ANKLE2: variants seen among roughly 807,000 people sequenced by gnomAD.
The protein encoded by ANKLE2 is ankyrin repeat and LEM domain containing 2.
A neutral mutation model predicts 84.2 loss-of-function variants in ANKLE2; 55 were observed. The observed-to-expected ratio is 0.65, with a 90% CI of 0.53 to 0.82. The LOEUF is 0.82. Ranked by LOEUF, ANKLE2 falls within the 40% of genes least tolerant of loss-of-function variation. The probability of loss-of-function intolerance (pLI) is 0.00; values close to 1 mark genes in which losing one functional copy is unlikely to be tolerated. For missense variants in ANKLE2, 1,238 were observed against 1,201.9 expected, an observed-to-expected ratio of 1.03 and a Z score of -0.44; for synonymous variants, 551 against 486.1, an observed-to-expected ratio of 1.13 and a Z score of -1.76.
Position 132,748,123 on chromosome 12 carries a change from ACCG to A in ANKLE2, c.1041+12_1041+14del. On this transcript the variant is annotated intron_variant, in intron 4 of 12. Transcript: ENST00000357997. ...CGGGACCGCACACCTGCCCGAGGGAACCGCCGAGACCTACCTGCACGATAGTGG... is the reference window on the plus strand; with the variant it reads ...CGGGACCGCACACCTGCCCGAGGGAACCGAGACCTACCTGCACGATAGTGG... The A allele has an allele frequency of 6.2e-7, 1 of 1,610,470 alleles. No homozygotes were observed. The highest frequency in any genetic ancestry group is 1.1e-5 in the South Asian group (1 of 90,700).
chr12:132,727,430 CG>C lies in ANKLE2; in HGVS notation c.2628del (p.Ala877ArgfsTer2). 7 of 1,555,986 alleles carry C rather than the reference CG, an allele frequency of 4.5e-6. No individual in the cohort carries two copies. The highest frequency in any genetic ancestry group is 6.1e-6 in the Non-Finnish European group (7 of 1,149,758). ...TGAGACTTGAACCTTCCTTTCACCG[CG>C]GGACTGGGCCAACTGCGGAAAGCAA... ...SPSDRQSWPS[P>X]AVKGRFKSQL... is the part of the protein sequence containing the mutation. On this transcript the variant is annotated frameshift_variant, in exon 13 of 13. Coordinates refer to ENST00000357997, the MANE Select transcript of ANKLE2 (RefSeq NM_015114.3). LOFTEE classifies it low-confidence loss of function (END_TRUNC).
intron 1 of ANKLE2, chr12:132,759,520 T>C (rs2044571396): frequency 7.2e-6 from 1 of 139,720 alleles, no homozygotes; most frequent in South Asian, 2.2e-4. Flanking sequence ...ACTATATATA[T>C]GTATACTATA....
Position 132,761,698 on chromosome 12 carries a change from C to A in ANKLE2, c.101G>T (p.Arg34Leu). ...LLIAVRWLVR[R>L]LGPRPGGLGR... ...CAGACCTCCCGGCCGCGGGCCCAGC[C>A]GCCGCACCAGCCACCGCACAGCGAT... is the stretch of plus-strand genomic sequence containing the variant. Residue 34 changes from arginine to leucine, a missense_variant, in exon 1 of 13, where the codon CGG (arginine) becomes CTG (leucine). Physicochemically the swap from Arg to Leu is moderately radical, Grantham distance 102. Transcript: ENST00000357997. 7.4e-7 allele frequency: 1 copy of A among 1,349,792 alleles called. No homozygotes were observed. The highest frequency in any genetic ancestry group is 9.6e-7 in the Non-Finnish European group (1 of 1,043,072). The allele number at this position is 1,349,792 out of a possible 1,614,324, so 83.6% of individuals were successfully genotyped here.
chr12:132,730,590 T>C (rs946581372), intron 10 of ANKLE2: 5 of 342,034 alleles, frequency 1.5e-5, no homozygotes, highest in Non-Finnish European at 2.7e-5. Flanking sequence ...TGGGAGGCCA[T>C]GGCAGGGGGG....
chr12:132,732,628 T>A (rs2043894680), intron 10 of ANKLE2, among the ~76,000 whole-genome samples: 2 of 112,852 alleles, frequency 1.8e-5, no homozygotes, highest in Admixed American at 9.1e-5. Context: ...TGGTGTCTGA[T>A]ACGCACCGTG....
intron 2 of ANKLE2, among the ~76,000 whole-genome samples, chr12:132,754,248 T>A (rs909586757): frequency 6.6e-6 from 1 of 151,902 alleles, no homozygotes; most frequent in Non-Finnish European, 1.5e-5. Flanking sequence ...TCTCAAAAAA[T>A]AAATAAATAA....
chr12:132,755,431 G>C, intron 1 of ANKLE2: 2 of 237,190 alleles, frequency 8.4e-6, no homozygotes, highest in Non-Finnish European at 1.6e-5. Context: ...TGTAATCCCA[G>C]CTACTTGGGA....
chr12:132,727,326 G>C lies in ANKLE2; in HGVS notation c.2733C>G (p.Gly911=), dbSNP rs750981312. The change falls in exon 13 of 13, where the codon GGC becomes GGG. Residue 911 remains glycine, a synonymous_variant. Transcript: ENST00000357997. ...GGCTGTAGCGCCCAGGACTGCCCAG[G>C]CCTGGCTTTGCGGGGTTGCTTCCAG... ...SVAGSNPAKP[G]LGSPGRYSPV... 9.6e-6 allele frequency: 15 copies of C among 1,562,518 alleles called. No individual in the cohort carries two copies. Among genetic ancestry groups the C allele is most frequent in the Non-Finnish European group, 1.3e-5 (15 of 1,153,942 alleles).
At position 132,726,899 on chromosome 12, in the gene ANKLE2, G is replaced by GAGTACAGGGTA; in HGVS notation, c.*332_*342dup. The GAGTACAGGGTA allele has an allele frequency of 4.2e-6, 1 of 236,346 alleles. No homozygotes were observed. Among genetic ancestry groups the GAGTACAGGGTA allele is most frequent in the South Asian group, 1.3e-4 (1 of 7,780 alleles). 14.6% of individuals were successfully genotyped at this position (236,346 alleles called of 1,614,324 possible). On this transcript the variant is annotated 3_prime_UTR_variant, in exon 13 of 13. Coordinates refer to ENST00000357997, the MANE Select transcript of ANKLE2 (RefSeq NM_015114.3). ...ATCCACAGCGTCTGTCGGATGAGGT[G>GAGTACAGGGTA]AGTACAGGGTAAGTACAGGGCTGCC...
Position 132,729,695 on chromosome 12 carries a change from G to A in ANKLE2, c.2467C>T (p.Arg823Trp), listed in dbSNP as rs753976276. 1.1e-5 allele frequency: 18 copies of A among 1,606,414 alleles called. No homozygotes were observed. The highest frequency in any genetic ancestry group is 1.7e-4 in the Middle Eastern group (1 of 6,004). ...CACTCCTACCCAAAAAGGAAGAGCC[G>A]CCTGGCCGGTTCCCTGGTGACCTCG... ...QLEVTREPAR[R>W]LFLFGEEPSK... Residue 823 changes from arginine to tryptophan, a missense_variant, in exon 11 of 13, where the codon CGG (arginine) becomes TGG (tryptophan). Arg to Trp is a moderately radical substitution (Grantham distance 101, BLOSUM62 -3). This residue lies in a region of ANKLE2 where 802 missense variants were observed against 774.5 expected (regional missense o/e 1.04). Transcript: ENST00000357997.
intron 1 of ANKLE2, chr12:132,758,956 C>T (rs1593187800): frequency 7.3e-6 from 1 of 137,928 alleles, no homozygotes; most frequent in Non-Finnish European, 1.5e-5. Context: ...AGTGTGGCAC[C>T]CCGGGGCACC....
chr12:132,752,197 G>A (rs1006540130), intron 2 of ANKLE2, among the ~76,000 whole-genome samples: 2 of 152,018 alleles, frequency 1.3e-5, no homozygotes, highest in Admixed American at 6.5e-5. Context: ...AAAATTAGCC[G>A]GGCGTGGTGG....
At chr12:132,730,539 G>A (rs2043820096) in intron 10 of ANKLE2, 4 of 433,250 alleles carry the variant, frequency 9.2e-6, no homozygotes, top group Non-Finnish European at 1.7e-5. Context: ...TCAGGCTGCT[G>A]GGGCCAGGCA....
At chr12:132,735,237 C>T in intron 9 of ANKLE2, 169 bp downstream of exon 9, 2 of 657,838 alleles carry the variant, frequency 3.0e-6, no homozygotes, top group Non-Finnish European at 5.3e-6. Flanking sequence ...CTGGCTTAAG[C>T]TAGAATTCCA....
chr12:132,751,579 G>C (rs886314297), intron 2 of ANKLE2, among the ~76,000 whole-genome samples: 2 of 149,950 alleles, frequency 1.3e-5, no homozygotes, highest in African/African-American at 2.5e-5. Flanking sequence ...GTCTCACTCA[G>C]CTGCCGAGGC....
chr12:132,747,476 AG>A (rs1021430538), intron 5 of ANKLE2, among the ~76,000 whole-genome samples: 9 of 152,132 alleles, frequency 5.9e-5, no homozygotes, highest in African/African-American at 2.2e-4. Context: ...TAGGACACTG[AG>A]GGCCTGCCTG....
chr12:132,744,263 C>A (rs910615186), intron 5 of ANKLE2, among the ~76,000 whole-genome samples: 3 of 152,234 alleles, frequency 2.0e-5, no homozygotes, highest in African/African-American at 4.8e-5. Flanking sequence ...CTCACTTGGA[C>A]ATCCCACAGG....
intron 10 of ANKLE2, among the ~76,000 whole-genome samples, chr12:132,733,635 C>A (rs1202561134): frequency 6.7e-6 from 1 of 150,298 alleles, no homozygotes; most frequent in Admixed American, 6.6e-5. Context: ...AAGCTCTCTG[C>A]GTCCTGGTGT....
intron 5 of ANKLE2, among the ~76,000 whole-genome samples, chr12:132,744,923 G>A (rs539708653): frequency 2.6e-5 from 4 of 152,206 alleles, no homozygotes; most frequent in East Asian, 3.9e-4. Context: ...CTCGTGATCC[G>A]CCTGCCTCGG....
Sources: gnomAD v4.1 joint callset for allele counts (sites outside exome capture counted in the v4.1 genomes callset) on GRCh38, gnomAD v4.1.1 for gene constraint, gnomAD v4.1.1 regional missense constraint, MANE v1.5 for transcripts, NCBI Gene and HGNC (gene_info 2026-07-23, HGNC 2026-07-21) for gene names.